CFAP299: variants seen among roughly 807,000 people sequenced by gnomAD.
CFAP299 encodes cilia and flagella associated protein 299, also known as cilia- and flagella-associated protein 299.
A neutral mutation model predicts 27.0 loss-of-function variants in CFAP299; 21 were observed. The observed-to-expected ratio is 0.78, with a 90% CI of 0.55 to 1.12. The LOEUF is 1.12. Ranked by LOEUF, CFAP299 falls within the 50% of genes most tolerant of loss-of-function variation. CFAP299 has a pLI of 0.00. For missense variants in CFAP299, 310 were observed against 276.6 expected (o/e 1.12, Z -0.86); for synonymous variants, 104 against 98.1 (o/e 1.06, Z -0.36).
At chr4:80,372,476 G>A (rs115940231) in intron 2 of CFAP299, among the ~76,000 whole-genome samples, 362 of 152,344 alleles carry the variant, frequency 2.4e-3, no homozygotes, top group Non-Finnish European at 3.5e-3. Context: ...GGCCGAAGAG[G>A]AGAAAAGCCA....
intron 3 of CFAP299, among the ~76,000 whole-genome samples, chr4:80,693,224 G>A (rs1720853198): frequency 6.6e-6 from 1 of 152,044 alleles, no homozygotes; most frequent in African/African-American, 2.4e-5. Flanking sequence ...TATAAATCAT[G>A]CTTCTATAAA....
intron 2 of CFAP299, chr4:80,388,188 G>C (rs1725125083): frequency 1.2e-5 from 8 of 691,670 alleles, no homozygotes; most frequent in African/African-American, 5.3e-5. Flanking sequence ...GGGGGTGAAG[G>C]CTAGGTGAGG....
intron 2 of CFAP299, among the ~76,000 whole-genome samples, chr4:80,494,291 T>C (rs933758126): frequency 6.6e-6 from 1 of 152,188 alleles, no homozygotes; most frequent in African/African-American, 2.4e-5. Context: ...CTCACTATCT[T>C]CCCACCAGCT....
At chr4:80,339,308 A>G (rs1302885816) in intron 1 of CFAP299, among the ~76,000 whole-genome samples, 1 of 152,182 alleles carries the variant, frequency 6.6e-6, no homozygotes, top group Admixed American at 6.5e-5. Context: ...ATCTTTGTAA[A>G]TAGTGCTTTT....
At chr4:80,680,510 A>G (rs1454017506) in intron 3 of CFAP299, among the ~76,000 whole-genome samples, 1 of 152,166 alleles carries the variant, frequency 6.6e-6, no homozygotes, top group African/African-American at 2.4e-5. Context: ...TTATTTTGTA[A>G]CAAGGGCAAT....
intron 2 of CFAP299, among the ~76,000 whole-genome samples, chr4:80,406,226 C>G (rs1421911192): frequency 6.6e-6 from 1 of 152,194 alleles, no homozygotes. Flanking sequence ...GGACTTTATA[C>G]ATTTGCTTCA....
the CFAP299 span, among the ~76,000 whole-genome samples, chr4:80,321,623 G>A: frequency 1.3e-5 from 2 of 152,164 alleles, no homozygotes; most frequent in Non-Finnish European, 2.9e-5. Flanking sequence ...CTTGGCGAAG[G>A]TCATGACAGT....
intron 2 of CFAP299, among the ~76,000 whole-genome samples, chr4:80,468,770 G>T (rs924687338): frequency 1.3e-5 from 2 of 150,454 alleles, no homozygotes; most frequent in Admixed American, 6.6e-5. Flanking sequence ...AGGAGGCAGA[G>T]GTTGCAGTGA....
chr4:80,631,780 T>A (rs1361582228), intron 3 of CFAP299, among the ~76,000 whole-genome samples: 2 of 150,864 alleles, frequency 1.3e-5, no homozygotes, highest in African/African-American at 4.8e-5. Context: ...AAAAGAATTT[T>A]GGAAAATCTG....
intron 1 of CFAP299, among the ~76,000 whole-genome samples, chr4:80,346,166 G>A (rs1296351392): frequency 7.2e-5 from 11 of 152,114 alleles, no homozygotes; most frequent in Admixed American, 5.2e-4. Context: ...TCTAGATTCT[G>A]GATATTAGCC....
intron 2 of CFAP299, among the ~76,000 whole-genome samples, chr4:80,464,722 T>C (rs1272250236): frequency 1.3e-5 from 2 of 152,160 alleles, no homozygotes; most frequent in African/African-American, 4.8e-5. Flanking sequence ...CCAAATGACA[T>C]ACAACCTGTA....
chr4:80,726,264 C>T (rs929185605), intron 3 of CFAP299, among the ~76,000 whole-genome samples: 7 of 152,064 alleles, frequency 4.6e-5, no homozygotes, highest in African/African-American at 1.7e-4. Context: ...TTCTCTATGA[C>T]ACAATTAGAA....
At chr4:80,904,637 T>A (rs865981421) in intron 4 of CFAP299, among the ~76,000 whole-genome samples, 8 of 152,284 alleles carry the variant, frequency 5.3e-5, no homozygotes, top group Middle Eastern at 6.8e-3. Context: ...ACAAGGAAGA[T>A]GTTCAGCATG....
At chr4:80,831,413 G>C (rs910488889) in intron 3 of CFAP299, among the ~76,000 whole-genome samples, 9 of 152,096 alleles carry the variant, frequency 5.9e-5, no homozygotes, top group Non-Finnish European at 7.4e-5. Flanking sequence ...CCCCCATGTA[G>C]TGGATATGTG....
At chr4:80,475,428 T>C (rs1215930597) in intron 2 of CFAP299, among the ~76,000 whole-genome samples, 1 of 151,870 alleles carries the variant, frequency 6.6e-6, no homozygotes, top group African/African-American at 2.4e-5. Flanking sequence ...GGAAATAGAG[T>C]GGCAGGACAT....
chr4:80,798,857 C>A (rs1177095631), intron 3 of CFAP299, among the ~76,000 whole-genome samples: 1 of 151,724 alleles, frequency 6.6e-6, no homozygotes, highest in African/African-American at 2.4e-5. Flanking sequence ...ATGTCAAATG[C>A]ATTTATTTTG....
chr4:80,325,275 T>A, the CFAP299 span, among the ~76,000 whole-genome samples: 5 of 152,372 alleles, frequency 3.3e-5, no homozygotes, highest in East Asian at 9.6e-4. Flanking sequence ...TGAAACACAG[T>A]AGGTAGCTGG....
chr4:80,880,758 T>TAAAATAAAATA (rs771412772), intron 4 of CFAP299, among the ~76,000 whole-genome samples: 24 of 151,094 alleles, frequency 1.6e-4, no homozygotes, highest in African/African-American at 5.2e-4. Flanking sequence ...AAAATAAAAT[T>TAAAATAAAATA]AAATTAAATT....
chr4:80,351,912 A>G lies in CFAP299; in HGVS notation c.112-10842A>G, dbSNP rs145064532. ...ATTATGATTTATAAATAATGTTAAT[A>G]TAATGTTAATTTTATATTAACATTA... is the stretch of plus-strand genomic sequence containing the variant. On this transcript the variant is annotated intron_variant, in intron 1 of 5. Coordinates refer to ENST00000358105, the MANE Select transcript of CFAP299 (RefSeq NM_152770.3). 8.6e-3 allele frequency among the ~76,000 whole-genome samples: 1,301 copies of G among 150,520 alleles called. 24 individuals are homozygous for G. The highest frequency in any genetic ancestry group is 0.029 in the African/African-American group (1,198 of 41,318).
Sources: allele counts gnomAD v4.1 joint callset (sites outside exome capture counted in the v4.1 genomes callset), GRCh38; gene constraint gnomAD v4.1.1; transcripts MANE v1.5; gene names NCBI Gene and HGNC (gene_info 2026-07-23, HGNC 2026-07-21).